The following FBXW7 variants were observed in gnomAD, a reference collection of about 807,000 sequenced individuals.
The protein encoded by FBXW7 is F-box/WD repeat-containing protein 7.
In FBXW7, 11 loss-of-function variants were observed where a neutral mutation model predicts 86.3. The ratio of observed to expected loss-of-function variants is 0.13; its 90% CI spans 0.08 to 0.21. The LOEUF is 0.21. Among genes scored for constraint, FBXW7 ranks in the 10% least tolerant of loss-of-function variants. FBXW7 has a pLI of 1.00. For synonymous variants in FBXW7, 313 were observed against 297.9 expected (o/e 1.05, Z -0.52); for missense variants, 488 against 847.4 (o/e 0.58, Z 5.27).
At chr4:152,437,374 A>T (rs537598316) in intron 2 of FBXW7, among the ~76,000 whole-genome samples, 1 of 151,508 alleles carries the variant, frequency 6.6e-6, no homozygotes, top group Non-Finnish European at 1.5e-5. Context: ...GCCAGACTCC[A>T]TCTCAAAAAA....
chr4:152,409,240 C>T (rs1386460475), intron 4 of FBXW7, among the ~76,000 whole-genome samples: 1 of 152,056 alleles, frequency 6.6e-6, no homozygotes, highest in East Asian at 1.9e-4. Context: ...AAAGCTAATC[C>T]TATGTTAACA....
At chr4:152,330,671 T>C (rs1482562534) in intron 9 of FBXW7, 61 bp downstream of exon 9, 21 of 1,463,178 alleles carry the variant, frequency 1.4e-5, no homozygotes, top group South Asian at 4.5e-5. Context: ...CCAAGTGAAA[T>C]AGTACACTAG....
chr4:152,501,210 C>G (rs1746916546), intron 2 of FBXW7, among the ~76,000 whole-genome samples: 1 of 152,188 alleles, frequency 6.6e-6, no homozygotes, highest in African/African-American at 2.4e-5. Flanking sequence ...TTACAGAACT[C>G]TTTCAAGGAC....
intron 4 of FBXW7, among the ~76,000 whole-genome samples, chr4:152,391,275 G>A (rs1735973096): frequency 6.6e-6 from 1 of 152,002 alleles, no homozygotes; most frequent in Non-Finnish European, 1.5e-5. Flanking sequence ...TTCTTGGACG[G>A]GCTGACAGTT....
intron 2 of FBXW7, among the ~76,000 whole-genome samples, chr4:152,488,309 A>C (rs936266675): frequency 2.6e-5 from 4 of 152,018 alleles, no homozygotes; most frequent in East Asian, 1.9e-4. Context: ...AAAAGGCTTT[A>C]ATCTATAATC....
chr4:152,413,009 T>C (rs1386621203), intron 2 of FBXW7, among the ~76,000 whole-genome samples: 1 of 152,126 alleles, frequency 6.6e-6, no homozygotes, highest in African/African-American at 2.4e-5. Flanking sequence ...GGTATCTATA[T>C]GGACATCTTT....
chr4:152,355,825 T>C lies in FBXW7; in HGVS notation c.502-5701A>G, dbSNP rs575161203. ...CGAGGAAAAAAAAACAACACAAATA[T>C]ATGATGATATGTTTGCCTCTGGGGA... On this transcript the variant is annotated intron_variant, in intron 4 of 13. Transcript: ENST00000281708. Among the ~76,000 whole-genome samples the C allele has an allele frequency of 3.3e-5, 5 of 152,156 alleles. No homozygotes were observed. In the East Asian group the frequency reaches 7.7e-4, roughly 23 times the overall value.
Position 152,326,099 on chromosome 4 carries a change from T to A in FBXW7, c.1551A>T (p.Gly517=). 6.2e-7 allele frequency: 1 copy of A among 1,613,304 alleles called. No individual in the cohort carries two copies. The stretch of plus-strand genomic sequence containing the variant: ...ACACCTTTACCATAAAATCATATGC[T>A]CCACTAACAACCCTCCTGCCATCAT... ...VQYDGRRVVS[G]AYDFMVKVWD... is the part of the protein sequence containing the mutation. Residue 517 remains glycine, a synonymous_variant, in exon 12 of 14, where the codon GGA becomes GGT. Coordinates refer to ENST00000281708, the MANE Select transcript of FBXW7 (RefSeq NM_001349798.2).
chr4:152,511,848 G>A (rs1163942100), intron 2 of FBXW7, among the ~76,000 whole-genome samples: 1 of 152,036 alleles, frequency 6.6e-6, no homozygotes, highest in African/African-American at 2.4e-5. Context: ...GTATGTGTGT[G>A]TAAGACATTC....
At chr4:152,426,540 G>T (rs1739400356) in intron 2 of FBXW7, among the ~76,000 whole-genome samples, 2 of 152,096 alleles carry the variant, frequency 1.3e-5, no homozygotes, top group South Asian at 4.2e-4. Flanking sequence ...AGTAGAGACA[G>T]GAGTGTCACC....
chr4:152,458,291 T>C (rs900729405), intron 2 of FBXW7, among the ~76,000 whole-genome samples: 4 of 152,212 alleles, frequency 2.6e-5, no homozygotes, highest in Admixed American at 1.3e-4. Context: ...AGTGCTGGGA[T>C]TACAGGCGTG....
intron 4 of FBXW7, among the ~76,000 whole-genome samples, chr4:152,350,416 T>A (rs757381844): frequency 6.6e-6 from 1 of 151,724 alleles, no homozygotes; most frequent in Non-Finnish European, 1.5e-5. Flanking sequence ...ATATCTTTCA[T>A]GTTTTCCAAT....
intron 4 of FBXW7, among the ~76,000 whole-genome samples, chr4:152,365,251 A>G (rs546426611): frequency 2.0e-5 from 3 of 152,318 alleles, no homozygotes; most frequent in Admixed American, 6.5e-5. Context: ...CAAGGGATAC[A>G]TTACCCAAGA....
chr4:152,398,903 T>C (rs899466356), intron 4 of FBXW7, among the ~76,000 whole-genome samples: 1 of 152,034 alleles, frequency 6.6e-6, no homozygotes, highest in Non-Finnish European at 1.5e-5. Context: ...GTTTGAAAAA[T>C]TGATAATACT....
chr4:152,461,014 C>T (rs1742890290), intron 2 of FBXW7, among the ~76,000 whole-genome samples: 1 of 152,194 alleles, frequency 6.6e-6, no homozygotes, highest in Non-Finnish European at 1.5e-5. Context: ...AGCACAGTGG[C>T]TCACGCCTGT....
chr4:152,326,301 G>C, intron 11 of FBXW7, 70 bp from the exon 12 acceptor site: 137 of 873,326 alleles, frequency 1.6e-4, no homozygotes, highest in Middle Eastern at 2.4e-4. Context: ...AATAATATGA[G>C]AAAACATGGT....
At chr4:152,520,058 T>C (rs1560994850) in intron 2 of FBXW7, among the ~76,000 whole-genome samples, 1 of 152,216 alleles carries the variant, frequency 6.6e-6, no homozygotes, top group Admixed American at 6.5e-5. Flanking sequence ...GATCATGAAT[T>C]ACAAAATCTA....
chr4:152,354,236 TCTC>T (rs1188904985), intron 4 of FBXW7, among the ~76,000 whole-genome samples: 1 of 152,012 alleles, frequency 6.6e-6, no homozygotes, highest in Non-Finnish European at 1.5e-5. Flanking sequence ...TTAAAAAAAA[TCTC>T]CTACCTGGCT....
At chr4:152,403,049 G>C (rs1252050145) in intron 4 of FBXW7, among the ~76,000 whole-genome samples, 1 of 152,150 alleles carries the variant, frequency 6.6e-6, no homozygotes, top group African/African-American at 2.4e-5. Flanking sequence ...TGTCTTAGGA[G>C]ACTTAAAATC....
Sources: allele counts gnomAD v4.1 joint callset (sites outside exome capture counted in the v4.1 genomes callset), GRCh38; gene constraint gnomAD v4.1.1; transcripts MANE v1.5; gene names NCBI Gene and HGNC (gene_info 2026-07-23, HGNC 2026-07-21).